Variants in SGCD observed in about 807,000 individuals in gnomAD.
The protein encoded by SGCD is sarcoglycan delta.
A neutral mutation model predicts 36.6 loss-of-function variants in SGCD; 18 were observed. The observed-to-expected ratio is 0.49, with a 90% CI of 0.34 to 0.73. SGCD has a LOEUF of 0.73. SGCD is among the 30% of genes least tolerant of loss of function. The probability of loss-of-function intolerance (pLI) is 0.01; values close to 1 mark genes in which losing one functional copy is unlikely to be tolerated. For synonymous variants in SGCD, 133 were observed against 130.6 expected (o/e 1.02, Z -0.12); for missense variants, 387 against 346.7 (o/e 1.12, Z -0.92).
chr5:156,181,972 A>G (rs1763619544), intron 3 of SGCD, among the ~76,000 whole-genome samples: 1 of 152,224 alleles, frequency 6.6e-6, no homozygotes, highest in South Asian at 2.1e-4. Context: ...CATATGCGAG[A>G]GGCTTGTTCT....
the SGCD span, among the ~76,000 whole-genome samples, chr5:155,757,362 A>G: frequency 1.3e-5 from 2 of 152,200 alleles, no homozygotes; most frequent in South Asian, 4.1e-4. Flanking sequence ...AAATTAAGCA[A>G]TATTTTACCC....
intron 4 of SGCD, among the ~76,000 whole-genome samples, chr5:156,538,982 A>G (rs1258566934): frequency 6.6e-6 from 1 of 152,136 alleles, no homozygotes; most frequent in Admixed American, 6.6e-5. Flanking sequence ...GCTAAGCACA[A>G]AAGGGATTCA....
At chr5:156,279,489 G>A (rs1468070001) in intron 3 of SGCD, among the ~76,000 whole-genome samples, 1 of 152,086 alleles carries the variant, frequency 6.6e-6, no homozygotes, top group Non-Finnish European at 1.5e-5. Context: ...GAAATACTCA[G>A]AACAACCCTA....
In SGCD at chr5:156,449,677, C is replaced by CAAAAAAAAAAAAA. The variant is rs397883573; in HGVS notation, c.193-58911_193-58899dup. On this transcript the variant is annotated intron_variant, in intron 3 of 8. Coordinates refer to ENST00000337851, the MANE Select transcript of SGCD (RefSeq NM_000337.6). ...TGAAACTCCGTCTCTACTAAAAATA[C>CAAAAAAAAAAAAA]AAAAAAAAAAAAAAAAAAAAAAAAA... 2.6e-4 allele frequency among the ~76,000 whole-genome samples: 12 copies of CAAAAAAAAAAAAA among 46,044 alleles called. 1 individual carries two copies. The highest frequency in any genetic ancestry group is 3.5e-4 in the African/African-American group (4 of 11,568). The allele number at this position is 46,044 out of a possible 152,430, so 30.2% of individuals were successfully genotyped here.
intron 3 of SGCD, among the ~76,000 whole-genome samples, chr5:156,469,599 T>C (rs1754868552): frequency 1.3e-5 from 2 of 152,220 alleles, no homozygotes; most frequent in African/African-American, 4.8e-5. Flanking sequence ...GGGGCAGAAA[T>C]ACAATAGCTA....
intron 3 of SGCD, among the ~76,000 whole-genome samples, chr5:156,446,009 AG>A (rs1753742444): frequency 6.6e-6 from 1 of 152,112 alleles, no homozygotes; most frequent in Non-Finnish European, 1.5e-5. Flanking sequence ...AATTCTTGTA[AG>A]AATATATATT....
At chr5:156,540,783 G>A (rs187413037) in intron 4 of SGCD, among the ~76,000 whole-genome samples, 17 of 152,258 alleles carry the variant, frequency 1.1e-4, no homozygotes, top group South Asian at 2.1e-4. Context: ...CAACACAGTC[G>A]TCCTGATTGA....
intron 3 of SGCD, among the ~76,000 whole-genome samples, chr5:156,209,908 C>T (rs1195588006): frequency 6.6e-6 from 1 of 152,188 alleles, no homozygotes; most frequent in Non-Finnish European, 1.5e-5. Flanking sequence ...GCCTCAGTGC[C>T]ACTATTGGGC....
chr5:155,787,309 T>C, the SGCD span, among the ~76,000 whole-genome samples: 1 of 152,170 alleles, frequency 6.6e-6, no homozygotes. Context: ...ATACTGCACA[T>C]GCCTCCAATC....
chr5:156,715,365 G>A (rs577504810), intron 7 of SGCD, among the ~76,000 whole-genome samples: 1 of 152,278 alleles, frequency 6.6e-6, no homozygotes, highest in African/African-American at 2.4e-5. Flanking sequence ...CAAACTCAGT[G>A]AGGATTATGC....
intron 3 of SGCD, among the ~76,000 whole-genome samples, chr5:156,490,935 T>A (rs1371156482): frequency 6.6e-6 from 1 of 152,094 alleles, no homozygotes; most frequent in Non-Finnish European, 1.5e-5. Flanking sequence ...TCACATAGAA[T>A]GATCTTATAT....
intron 2 of SGCD, 106 bp downstream of exon 2, chr5:156,329,685 C>A (rs1489025605): frequency 3.2e-6 from 3 of 949,728 alleles, no homozygotes; most frequent in Non-Finnish European, 3.2e-6. Context: ...TATGCCTTAT[C>A]CTGATGAAGA....
At chr5:155,905,900 C>T (rs2113346720) in intron 1 of SGCD, among the ~76,000 whole-genome samples, 1 of 152,172 alleles carries the variant, frequency 6.6e-6, no homozygotes, top group Non-Finnish European at 1.5e-5. Context: ...AACCCTTTTT[C>T]TTCTCAGTTT....
intron 7 of SGCD, among the ~76,000 whole-genome samples, chr5:156,657,394 C>G (rs1261128456): frequency 7.6e-6 from 1 of 131,214 alleles, no homozygotes; most frequent in Non-Finnish European, 1.6e-5. Context: ...TATCCCTCCC[C>G]CCTCCCCCCA....
intron 3 of SGCD, among the ~76,000 whole-genome samples, chr5:156,406,018 T>TCAAAAAAAAAAAAAAAAAAAAAA (rs1772380729): frequency 9.6e-6 from 1 of 103,984 alleles, no homozygotes; most frequent in African/African-American, 4.1e-5. Flanking sequence ...TATCTTTGCT[T>TCAAAAAAAAAAAAAAAAAAAAAA]AAAAAAAAAA....
chr5:156,724,168 C>G (rs1391618666), intron 7 of SGCD, among the ~76,000 whole-genome samples: 5 of 152,162 alleles, frequency 3.3e-5, no homozygotes, highest in Non-Finnish European at 7.4e-5. Flanking sequence ...CTGTCATGTG[C>G]ACAGTTCAGT....
chr5:156,057,431 T>C (rs1166454413), intron 1 of SGCD, among the ~76,000 whole-genome samples: 1 of 146,674 alleles, frequency 6.8e-6, no homozygotes, highest in African/African-American at 2.5e-5. Flanking sequence ...AAAACAGCTG[T>C]GATAGATGAG....
intron 3 of SGCD, among the ~76,000 whole-genome samples, chr5:156,317,365 A>G (rs1767546139): frequency 6.6e-6 from 1 of 152,144 alleles, no homozygotes; most frequent in Non-Finnish European, 1.5e-5. Flanking sequence ...GAACTCAGGG[A>G]TAAGACAGTT....
At chr5:156,742,271 T>A (rs1291306333) in intron 7 of SGCD, among the ~76,000 whole-genome samples, 2 of 152,122 alleles carry the variant, frequency 1.3e-5, no homozygotes, top group African/African-American at 4.8e-5. Flanking sequence ...ACCTCCCACT[T>A]TACTATCTCT....
Sources: allele counts gnomAD v4.1 joint callset (sites outside exome capture counted in the v4.1 genomes callset), GRCh38; gene constraint gnomAD v4.1.1; transcripts MANE v1.5; gene names NCBI Gene and HGNC (gene_info 2026-07-23, HGNC 2026-07-21).